Variants in DPP10 observed in about 807,000 individuals in gnomAD.
DPP10 encodes the protein inactive dipeptidyl peptidase 10.
In DPP10, 33 loss-of-function variants were observed where a neutral mutation model predicts 120.9. The ratio of observed to expected loss-of-function variants is 0.27; its 90% CI spans 0.21 to 0.37. The LOEUF is 0.37. Ranked by LOEUF, DPP10 falls within the 10% of genes least tolerant of loss-of-function variation. The pLI is 1.00. For missense variants in DPP10, 816 were observed against 942.8 expected, an observed-to-expected ratio of 0.87 and a Z score of 1.76; for synonymous variants, 337 against 326.1, an observed-to-expected ratio of 1.03 and a Z score of -0.36.
intron 1 of DPP10, among the ~76,000 whole-genome samples, chr2:115,000,451 A>G (rs955400946): frequency 6.6e-6 from 1 of 152,190 alleles, no homozygotes; most frequent in African/African-American, 2.4e-5. Context: ...GTGGAAATGA[A>G]AAACAAATCT....
intron 2 of DPP10, among the ~76,000 whole-genome samples, chr2:115,341,659 GTTT>G (rs1559454715): frequency 6.6e-6 from 1 of 152,040 alleles, no homozygotes; most frequent in Non-Finnish European, 1.5e-5. Flanking sequence ...TGTCTCTATA[GTTT>G]TGCTTTTTCA....
At chr2:115,731,876 G>T (rs1453407303) in intron 8 of DPP10, among the ~76,000 whole-genome samples, 1 of 152,154 alleles carries the variant, frequency 6.6e-6, no homozygotes, top group East Asian at 1.9e-4. Context: ...AAGCTATTCA[G>T]ATGTTTTTGA....
At chr2:114,984,632 T>C (rs936927374) in intron 1 of DPP10, among the ~76,000 whole-genome samples, 4 of 151,964 alleles carry the variant, frequency 2.6e-5, no homozygotes, top group African/African-American at 7.3e-5. Flanking sequence ...TCTAAATAAA[T>C]AAATAAATAA....
At chr2:115,001,010 C>A (rs1165904938) in intron 1 of DPP10, among the ~76,000 whole-genome samples, 1 of 152,144 alleles carries the variant, frequency 6.6e-6, no homozygotes, top group African/African-American at 2.4e-5. Context: ...AAAGTATCTA[C>A]AACATTTGTG....
intron 5 of DPP10, among the ~76,000 whole-genome samples, chr2:115,587,575 C>A (rs547788012): frequency 6.6e-6 from 1 of 152,272 alleles, no homozygotes; most frequent in Non-Finnish European, 1.5e-5. Context: ...TCGTGCACCC[C>A]CATGTTCTTT....
At chr2:115,806,921 G>A (rs1252003644) in intron 19 of DPP10, among the ~76,000 whole-genome samples, 2 of 152,162 alleles carry the variant, frequency 1.3e-5, no homozygotes, top group South Asian at 4.2e-4. Flanking sequence ...GCATAGGAGA[G>A]TCACATTGCA....
At chr2:114,683,512 TC>T (rs748409081) in intron 1 of DPP10, among the ~76,000 whole-genome samples, 2 of 142,156 alleles carry the variant, frequency 1.4e-5, no homozygotes, top group Non-Finnish European at 3.1e-5. Context: ...TTTCCTTCCC[TC>T]TCCCTTCCCT....
At chr2:114,782,161 A>AT (rs1387827978) in intron 1 of DPP10, among the ~76,000 whole-genome samples, 1 of 151,904 alleles carries the variant, frequency 6.6e-6, no homozygotes, top group East Asian at 1.9e-4. Context: ...TACGTTGCAT[A>AT]TTTTTTAATG....
At chr2:115,764,370 C>T (rs939327599) in intron 12 of DPP10, among the ~76,000 whole-genome samples, 4 of 151,828 alleles carry the variant, frequency 2.6e-5, no homozygotes, top group African/African-American at 9.7e-5. Context: ...TGTCTTTGCA[C>T]ATGGTTATCT....
At chr2:115,165,285 A>G (rs2052751776) in intron 1 of DPP10, among the ~76,000 whole-genome samples, 1 of 152,224 alleles carries the variant, frequency 6.6e-6, no homozygotes, top group Non-Finnish European at 1.5e-5. Flanking sequence ...ATGAGAATAC[A>G]GAGGATTAAG....
At chr2:114,477,062 C>T (rs1330923706) in intron 1 of DPP10, among the ~76,000 whole-genome samples, 1 of 151,952 alleles carries the variant, frequency 6.6e-6, no homozygotes, top group Non-Finnish European at 1.5e-5. Context: ...CAGCTTCAAG[C>T]AATTCTACTG....
chr2:115,707,462 A>ACACACACACT (rs1491330284), intron 7 of DPP10, among the ~76,000 whole-genome samples: 9 of 134,432 alleles, frequency 6.7e-5, no homozygotes, highest in African/African-American at 2.7e-4. Context: ...ACACACACAC[A>ACACACACACT]CTCTCTCCAC....
At chr2:115,254,012 A>G (rs990708494) in intron 1 of DPP10, among the ~76,000 whole-genome samples, 3 of 151,860 alleles carry the variant, frequency 2.0e-5, no homozygotes, top group African/African-American at 4.8e-5. Flanking sequence ...CCTCTGAAAT[A>G]TAAGTGGAAG....
At chr2:114,515,659 C>T (rs1183419758) in intron 1 of DPP10, among the ~76,000 whole-genome samples, 2 of 152,122 alleles carry the variant, frequency 1.3e-5, no homozygotes, top group Non-Finnish European at 2.9e-5. Context: ...TAGTTGCCAA[C>T]CCAATTTCAT....
chr2:114,872,177 T>C (rs1231416109), intron 1 of DPP10, among the ~76,000 whole-genome samples: 1 of 152,150 alleles, frequency 6.6e-6, no homozygotes, highest in Non-Finnish European at 1.5e-5. Context: ...TTTAATTGAC[T>C]CACAGTTTCA....
At chr2:114,788,769 C>T (rs530172307) in intron 1 of DPP10, among the ~76,000 whole-genome samples, 88 of 152,220 alleles carry the variant, frequency 5.8e-4, no homozygotes, top group Non-Finnish European at 9.6e-4. Context: ...AGTTTACTTT[C>T]GTGTGCATTT....
chr2:114,780,862 T>C (rs1682262388), intron 1 of DPP10, among the ~76,000 whole-genome samples: 2 of 152,120 alleles, frequency 1.3e-5, no homozygotes, highest in African/African-American at 2.4e-5. Flanking sequence ...TATGAGACAG[T>C]CTTTAAGTCA....
At chr2:115,395,014 T>C (rs1004252353) in intron 3 of DPP10, among the ~76,000 whole-genome samples, 3 of 152,234 alleles carry the variant, frequency 2.0e-5, no homozygotes. Context: ...CAAAAGTTTA[T>C]GTTCTCAAAG....
chr2:114,826,910 T>C (rs1245959856), intron 1 of DPP10, among the ~76,000 whole-genome samples: 1 of 152,176 alleles, frequency 6.6e-6, no homozygotes, highest in Non-Finnish European at 1.5e-5. Flanking sequence ...GAGTATGATC[T>C]AATGGTAATG....
Sources: gnomAD v4.1 joint callset for allele counts (sites outside exome capture counted in the v4.1 genomes callset) on GRCh38, gnomAD v4.1.1 for gene constraint, MANE v1.5 for transcripts, NCBI Gene and HGNC (gene_info 2026-07-23, HGNC 2026-07-21) for gene names.